The following VPS41 variants were observed in gnomAD, a reference collection of about 807,000 sequenced individuals.
VPS41 encodes vacuolar protein sorting-associated protein 41 homolog.
A neutral mutation model predicts 130.9 loss-of-function variants in VPS41; 85 were observed. That is an observed-to-expected ratio of 0.65 (90% CI 0.55 to 0.78). The LOEUF is 0.78. Ranked by LOEUF, VPS41 falls within the 30% of genes least tolerant of loss-of-function variation. The pLI is 0.00. For synonymous variants in VPS41, 335 were observed against 332.9 expected, an observed-to-expected ratio of 1.01 and a Z score of -0.07; for missense variants, 874 against 1,018.7, an observed-to-expected ratio of 0.86 and a Z score of 1.93.
chr7:38,781,942 T>C (rs1476013204), intron 10 of VPS41, among the ~76,000 whole-genome samples: 1 of 152,232 alleles, frequency 6.6e-6, no homozygotes, highest in African/African-American at 2.4e-5. Context: ...CACTTTTTCT[T>C]AAAACTTATT....
In VPS41 at chr7:38,908,729, T is replaced by C. The variant is rs577073087; in HGVS notation, c.21+425A>G. 1.6e-4 allele frequency among the ~76,000 whole-genome samples: 25 copies of C among 152,346 alleles called. No homozygotes were observed. The East Asian group carries it at 1.9e-3, about 12-fold the overall frequency. ...GCTCCAGCTCTGTACCTAACTCCAA[T>C]AGATACAAAACAAAACTCATCGTCT... is the stretch of plus-strand genomic sequence containing the variant. On this transcript the variant is annotated intron_variant, in intron 1 of 28. Coordinates refer to ENST00000310301, the MANE Select transcript of VPS41 (RefSeq NM_014396.4).
Position 38,809,865 on chromosome 7 carries a change from AAAGT to A in VPS41, c.450+7948_450+7951del, listed in dbSNP as rs376972762. On this transcript the variant is annotated intron_variant, in intron 7 of 28. Transcript: ENST00000310301. ...ATTATAAAGTGTATTTCAGTGTTCA[AAAGT>A]AAAGGTCCTATGAAGCTAAAGCTTA... Among the ~76,000 whole-genome samples the A allele has an allele frequency of 5.3e-5, 8 of 152,326 alleles. No homozygotes were observed. In the East Asian group the frequency reaches 1.3e-3, roughly 26 times the overall value.
rs1284503560 is a variant in VPS41 at position 38,725,666 on chromosome 7, G to A, written c.*580C>T. ...GAACATGTGATTAGTAAACATAATG[G>A]TGCAGGACATCAGCCTGCTAATGTT... On this transcript the variant is annotated 3_prime_UTR_variant, in exon 29 of 29. Transcript: ENST00000310301. 6.5e-6 allele frequency: 1 copy of A among 152,820 alleles called. No homozygotes were observed. The highest frequency in any genetic ancestry group is 1.5e-5 in the Non-Finnish European group (1 of 68,510). The allele number at this position is 152,820 out of a possible 1,614,324, so 9.5% of individuals were successfully genotyped here.
chr7:38,757,840 C>T (rs956691566), intron 18 of VPS41, among the ~76,000 whole-genome samples: 21 of 152,056 alleles, frequency 1.4e-4, no homozygotes, highest in Admixed American at 2.6e-4. Context: ...ATAAGCGTCT[C>T]GCACAAAGCC....
At chr7:38,790,399 T>C (rs1476733194) in intron 9 of VPS41, among the ~76,000 whole-genome samples, 1 of 152,190 alleles carries the variant, frequency 6.6e-6, no homozygotes, top group Non-Finnish European at 1.5e-5. Flanking sequence ...CATAATTCTG[T>C]AAAGTTGTTA....
At chr7:38,733,070 C>T (rs909238725) in intron 25 of VPS41, among the ~76,000 whole-genome samples, 22 of 152,186 alleles carry the variant, frequency 1.4e-4, no homozygotes, top group African/African-American at 4.8e-4. Context: ...TCAAGCCATC[C>T]GTTCACCTCA....
At chr7:38,837,859 T>G (rs187648579) in intron 4 of VPS41, among the ~76,000 whole-genome samples, 1 of 152,186 alleles carries the variant, frequency 6.6e-6, no homozygotes, top group Non-Finnish European at 1.5e-5. Context: ...TTACTAGATT[T>G]CTACAAAAAA....
intron 7 of VPS41, among the ~76,000 whole-genome samples, chr7:38,813,224 T>C (rs953222679): frequency 2.0e-5 from 3 of 152,068 alleles, no homozygotes; most frequent in South Asian, 2.1e-4. Flanking sequence ...TGCCACAACA[T>C]TGATGTACCT....
chr7:38,771,294 AG>A, intron 13 of VPS41, 40 bp from the exon 14 acceptor site: 27 of 1,422,968 alleles, frequency 1.9e-5, no homozygotes, highest in Middle Eastern at 1.8e-4. Flanking sequence ...AAAAAAAAAA[AG>A]CAGAAAAGGA....
At chr7:38,791,349 T>C (rs1273566292) in intron 9 of VPS41, among the ~76,000 whole-genome samples, 1 of 152,196 alleles carries the variant, frequency 6.6e-6, no homozygotes, top group East Asian at 1.9e-4. Flanking sequence ...GTCTTTCAAA[T>C]GGTTTGAAGT....
At chr7:38,812,901 G>A (rs1784972940) in intron 7 of VPS41, among the ~76,000 whole-genome samples, 1 of 152,144 alleles carries the variant, frequency 6.6e-6, no homozygotes, top group Non-Finnish European at 1.5e-5. Flanking sequence ...TGGTGAGAAT[G>A]TAGACAATTA....
At chr7:38,875,864 A>C (rs551370345) in intron 2 of VPS41, among the ~76,000 whole-genome samples, 13 of 152,364 alleles carry the variant, frequency 8.5e-5, no homozygotes, top group African/African-American at 2.9e-4. Flanking sequence ...TAAGGAAAAA[A>C]TATATTAATT....
chr7:38,816,575 G>GT (rs145112388), intron 7 of VPS41, among the ~76,000 whole-genome samples: 3,243 of 152,186 alleles, frequency 0.021, 44 homozygotes, highest in African/African-American at 0.043. Context: ...CGGAGTTCCA[G>GT]TATGGTGATA....
chr7:38,763,405 A>G, intron 17 of VPS41, 50 bp downstream of exon 17: 1 of 1,303,396 alleles, frequency 7.7e-7, no homozygotes, highest in Non-Finnish European at 1.1e-6. Context: ...TAGATTTCCT[A>G]ACACCTCCCA....
intron 27 of VPS41, among the ~76,000 whole-genome samples, chr7:38,727,889 T>C (rs1795579777): frequency 6.6e-6 from 1 of 152,218 alleles, no homozygotes; most frequent in Admixed American, 6.5e-5. Context: ...AGAAGGTGCT[T>C]TTCATTACAG....
chr7:38,851,784 G>A (rs1303100660), intron 4 of VPS41, among the ~76,000 whole-genome samples: 2 of 152,184 alleles, frequency 1.3e-5, no homozygotes, highest in East Asian at 3.8e-4. Context: ...GTGTATGAGA[G>A]TTCTAGTTCC....
intron 2 of VPS41, among the ~76,000 whole-genome samples, chr7:38,882,659 G>C (rs1389704064): frequency 6.6e-6 from 1 of 152,120 alleles, no homozygotes; most frequent in African/African-American, 2.4e-5. Context: ...ACTAACTCTA[G>C]CCAGAGTCCT....
Position 38,808,036 on chromosome 7 carries a change from C to G in VPS41, c.450+9781G>C, listed in dbSNP as rs568654433. On this transcript the variant is annotated intron_variant, in intron 7 of 28. Coordinates refer to ENST00000310301, the MANE Select transcript of VPS41 (RefSeq NM_014396.4). ...GTATGGAAATATATGAAAAAGTTAG[C>G]TGAACTCATTAAAGAAAAAAGTATA... Among the ~76,000 whole-genome samples, 156 of 152,212 alleles carry G rather than the reference C, an allele frequency of 1.0e-3. 2 individuals are homozygous for G. The South Asian group carries it at 0.031, about 30-fold the overall frequency.
rs758056780 is a variant in VPS41, at chr7:38,725,968, GAC to G, written c.*276_*277del. The G allele has an allele frequency of 7.6e-4, 235 of 307,860 alleles. 1 individual carries two copies. The highest frequency in any genetic ancestry group is 1.2e-3 in the Non-Finnish European group (195 of 167,872). The allele number at this position is 307,860 out of a possible 1,614,324, so 19.1% of individuals were successfully genotyped here. A position where few individuals can be genotyped will look rare whatever the true frequency, so the allele number is the denominator to read the frequency against. On this transcript the variant is annotated 3_prime_UTR_variant, in exon 29 of 29. Transcript: ENST00000310301. ...CTAAAAAATTCATTTCTAACTCCTA[GAC>G]TTATGTTTCCATTACTATATAAAGA...
Sources: allele counts gnomAD v4.1 joint callset (sites outside exome capture counted in the v4.1 genomes callset), GRCh38; gene constraint gnomAD v4.1.1; transcripts MANE v1.5; gene names NCBI Gene and HGNC (gene_info 2026-07-23, HGNC 2026-07-21).